Variants in ZNF627 observed in about 807,000 individuals in gnomAD.
ZNF627 encodes zinc finger protein 627.
Under a neutral mutation model 10.6 loss-of-function variants are expected in ZNF627, and 12 were observed. That is an observed-to-expected ratio of 1.13 (90% CI 0.73 to 1.84). ZNF627 has a LOEUF of 1.84. ZNF627 is among the 40% of genes most tolerant of loss of function. The probability of loss-of-function intolerance (pLI) is 0.00; values close to 1 mark genes in which losing one functional copy is unlikely to be tolerated. For missense variants in ZNF627, 504 were observed against 568.4 expected (o/e 0.89, Z 1.15); for synonymous variants, 176 against 187.1 (o/e 0.94, Z 0.48).
At position 11,616,782 on chromosome 19, in the gene ZNF627, G is replaced by C; in HGVS notation, c.279G>C (p.Lys93Asn). 1 of 1,613,954 alleles carries C rather than the reference G, an allele frequency of 6.2e-7. No homozygotes were observed. Among genetic ancestry groups the C allele is most frequent in the Non-Finnish European group, 8.5e-7 (1 of 1,179,972 alleles). The change falls in exon 4 of 4, where the codon AAG (lysine) becomes AAC (asparagine). Residue 93 changes from lysine to asparagine, a missense_variant. Lys to Asn is a moderately conservative substitution (Grantham distance 94). Coordinates refer to ENST00000361113, the MANE Select transcript of ZNF627 (RefSeq NM_145295.4). Reference sequence around the variant, plus strand: ...AGATTCCAGATGGTATTCTGAACAAGAAAACTCCTGGAGTAAAACCGTGTG... The same window carrying C: ...AGATTCCAGATGGTATTCTGAACAACAAAACTCCTGGAGTAAAACCGTGTG... ...FSQIPDGILN[K>N]KTPGVKPCES...
chr19:11,613,281 G>A lies in ZNF627; in HGVS notation c.4-1246G>A, dbSNP rs905759337. ...GGTCTTTGGCCTCCCAAAGTGCTGG[G>A]ATTACAGGCATGAGCTACCATCCCT... On this transcript the variant is annotated intron_variant, in intron 1 of 3. Transcript: ENST00000361113. Among the ~76,000 whole-genome samples, 4 of 140,976 alleles carry A rather than the reference G, an allele frequency of 2.8e-5. No homozygotes were observed. In the Admixed American group the frequency reaches 2.9e-4, roughly 10 times the overall value. 92.5% of individuals were successfully genotyped at this position (140,976 alleles called of 152,430 possible). A position where few individuals can be genotyped will look rare whatever the true frequency, so the allele number is the denominator to read the frequency against.
chr19:11,607,564 A>C (rs1352907888), intron 1 of ZNF627, among the ~76,000 whole-genome samples: 3 of 152,158 alleles, frequency 2.0e-5, no homozygotes, highest in African/African-American at 7.2e-5. Context: ...ACAAGTTCAA[A>C]GTTCCACAGA....
At chr19:11,610,721 A>G (rs1973759623) in intron 1 of ZNF627, among the ~76,000 whole-genome samples, 1 of 152,104 alleles carries the variant, frequency 6.6e-6, no homozygotes. Context: ...GTCCATTTGT[A>G]TTGATTTTGC....
chr19:11,609,483 A>ATATATG lies in ZNF627; in HGVS notation c.4-5039_4-5038insGTATAT, dbSNP rs1568441726. On this transcript the variant is annotated intron_variant, in intron 1 of 3. Transcript: ENST00000361113. ...CTTTTAAAAAATTTTATATATATAT[A>ATATATG]TATATATATATATATATATATATAT... is the stretch of plus-strand genomic sequence containing the variant. Among the ~76,000 whole-genome samples the ATATATG allele has an allele frequency of 9.3e-4, 15 of 16,160 alleles. 1 individual carries two copies. 10.6% of individuals were successfully genotyped at this position (16,160 alleles called of 152,430 possible).
Position 11,614,531 on chromosome 19 carries a change from C to T in ZNF627, c.8C>T (p.Ser3Leu). 6.2e-7 allele frequency: 1 copy of T among 1,613,852 alleles called. No homozygotes were observed. Among genetic ancestry groups the T allele is most frequent in the Non-Finnish European group, 8.5e-7 (1 of 1,179,956 alleles). Residue 3 changes from serine to leucine, a missense_variant, in exon 2 of 4, where the codon TCA becomes TTA. Transcript: ENST00000361113. The stretch of plus-strand genomic sequence containing the variant: ...CACACATGGGGGATGTTTCAGGATT[C>T]AGTGGCCTTTGAGGATGTGGCTGTG... The part of the protein sequence containing the change: MD[S>L]VAFEDVAVNF...
intron 1 of ZNF627, among the ~76,000 whole-genome samples, chr19:11,598,229 AATTT>A (rs1410698816): frequency 6.6e-6 from 1 of 152,220 alleles, no homozygotes; most frequent in East Asian, 1.9e-4. Context: ...ATAAACTGGT[AATTT>A]ATAAGAATTT....
chr19:11,600,076 A>G (rs1395232619), intron 1 of ZNF627, among the ~76,000 whole-genome samples: 1 of 152,180 alleles, frequency 6.6e-6, no homozygotes, highest in Non-Finnish European at 1.5e-5. Context: ...AATATAAGAC[A>G]GTTTTGCAAA....
At chr19:11,599,787 A>C (rs939461723) in intron 1 of ZNF627, among the ~76,000 whole-genome samples, 1 of 151,976 alleles carries the variant, frequency 6.6e-6, no homozygotes, top group Non-Finnish European at 1.5e-5. Flanking sequence ...GGTGCCTCTA[A>C]TCTCAGCTAC....
At chr19:11,603,498 G>C (rs1973623647) in intron 1 of ZNF627, among the ~76,000 whole-genome samples, 2 of 151,426 alleles carry the variant, frequency 1.3e-5, no homozygotes, top group Non-Finnish European at 2.9e-5. Flanking sequence ...TGCTGTCTAA[G>C]CTGGTCTTGA....
In ZNF627 at chr19:11,614,788, A is replaced by C. The variant is rs201692718; in HGVS notation, c.131-39A>C. On this transcript the variant is annotated intron_variant, in intron 2 of 3. Coordinates refer to ENST00000361113, the MANE Select transcript of ZNF627 (RefSeq NM_145295.4). ...AATCTAATACTTTTTTCATAATTTT[A>C]TACTAATTCATAATGACTTTTCTGG... 19 of 1,588,320 alleles carry C rather than the reference A, an allele frequency of 1.2e-5. No homozygotes were observed. The Admixed American group carries it at 3.4e-4, about 29-fold the overall frequency.
At chr19:11,612,422 CTTT>C (rs759276399) in intron 1 of ZNF627, among the ~76,000 whole-genome samples, 2 of 98,762 alleles carry the variant, frequency 2.0e-5, no homozygotes, top group South Asian at 3.2e-4. Context: ...GCCCGGCCTG[CTTT>C]TTTTTTTTTT....
chr19:11,597,506 G>A lies in ZNF627; in HGVS notation c.-122G>A, dbSNP rs562522020. 2.4e-4 allele frequency: 262 copies of A among 1,083,102 alleles called. 1 individual carries two copies. The Middle Eastern group carries it at 4.7e-3, about 20-fold the overall frequency. The allele number at this position is 1,083,102 out of a possible 1,614,324, so 67.1% of individuals were successfully genotyped here. ...TTGTTTCTGGCGACCGTCCCCACCC[G>A]GGCTCGCGTCTCCGTTTCTCCGAGA... is the stretch of plus-strand genomic sequence containing the variant. On this transcript the variant is annotated 5_prime_UTR_variant, in exon 1 of 4. Transcript: ENST00000361113.
In ZNF627 at chr19:11,598,619, C is replaced by G. The variant is rs190783090; in HGVS notation, c.3+989C>G. ...ACTCCTCTGGCGCTTGCAAATAATT[C>G]TTGATACCACTTCTTTCACCATATT... is the stretch of plus-strand genomic sequence containing the variant. On this transcript the variant is annotated intron_variant, in intron 1 of 3. Transcript: ENST00000361113. Among the ~76,000 whole-genome samples, 161 of 152,290 alleles carry G rather than the reference C, an allele frequency of 1.1e-3. 1 individual carries two copies. The highest frequency in any genetic ancestry group is 3.8e-3 in the African/African-American group (158 of 41,556).
rs72997090 is a variant in ZNF627 at position 11,597,649 on chromosome 19, G to C, written c.3+19G>C. 0.26 allele frequency: 340,631 copies of C among 1,334,670 alleles called. 44,261 individuals are homozygous for C. The highest frequency in any genetic ancestry group is 0.3 in the Admixed American group (9,942 of 32,992). 82.7% of individuals were successfully genotyped at this position (1,334,670 alleles called of 1,614,324 possible). A position where few individuals can be genotyped will look rare whatever the true frequency, so the allele number is the denominator to read the frequency against. On this transcript the variant is annotated intron_variant, in intron 1 of 3. Coordinates refer to ENST00000361113, the MANE Select transcript of ZNF627 (RefSeq NM_145295.4). ...AGAAATGGTGCGTGTGAGGGGTCAG[G>C]CGTCCCCAGACCTGGGGGAGGGGCT...
chr19:11,616,622 T>C (rs528129881), intron 3 of ZNF627, 73 bp from the exon 4 acceptor site: 1 of 1,034,782 alleles, frequency 9.7e-7, no homozygotes, highest in East Asian at 2.6e-5. Flanking sequence ...TATGTAAGTC[T>C]AATACCTATT....
chr19:11,610,281 A>G lies in ZNF627; in HGVS notation c.4-4246A>G, dbSNP rs558014164. On this transcript the variant is annotated intron_variant, in intron 1 of 3. Coordinates refer to ENST00000361113, the MANE Select transcript of ZNF627 (RefSeq NM_145295.4). ...CCAGCATACCTGGGTTTTTCTGAGTATCCTAATTTCTGAAAGAAATTTTTC... is the reference window on the plus strand; with the variant it reads ...CCAGCATACCTGGGTTTTTCTGAGTGTCCTAATTTCTGAAAGAAATTTTTC... Among the ~76,000 whole-genome samples the G allele has an allele frequency of 3.9e-5, 6 of 152,026 alleles. No homozygotes were observed. In the South Asian group the frequency reaches 1.2e-3, roughly 32 times the overall value.
chr19:11,612,321 T>C (rs1169898898), intron 1 of ZNF627, among the ~76,000 whole-genome samples: 3 of 148,272 alleles, frequency 2.0e-5, no homozygotes, highest in East Asian at 2.0e-4. Flanking sequence ...GGGGTTTCAC[T>C]GTGTTAGCCA....
chr19:11,612,202 G>A lies in ZNF627; in HGVS notation c.4-2325G>A, dbSNP rs1973783225. On this transcript the variant is annotated intron_variant, in intron 1 of 3. Transcript: ENST00000361113. ...GTGGTGCGATCTCAGCTCACTGCAA[G>A]CTCCACCTCCCGGGTTCACGCCATT... Among the ~76,000 whole-genome samples, 4 of 140,178 alleles carry A rather than the reference G, an allele frequency of 2.9e-5. No homozygotes were observed. The Admixed American group carries it at 3.1e-4, about 11-fold the overall frequency. The allele number at this position is 140,178 out of a possible 152,430, so 92.0% of individuals were successfully genotyped here.
chr19:11,615,099 A>AC (rs896561051), intron 3 of ZNF627, among the ~76,000 whole-genome samples: 1 of 151,538 alleles, frequency 6.6e-6, no homozygotes, highest in African/African-American at 2.4e-5. Context: ...GGCACGTGCC[A>AC]CCACGCCGAG....
Sources: allele counts gnomAD v4.1 joint callset (sites outside exome capture counted in the v4.1 genomes callset), GRCh38; gene constraint gnomAD v4.1.1; transcripts MANE v1.5; gene names NCBI Gene and HGNC (gene_info 2026-07-23, HGNC 2026-07-21).